Variants in TTN observed in about 807,000 individuals in gnomAD.
TTN encodes the protein titin.
A neutral mutation model predicts 3,223.0 loss-of-function variants in TTN; 1,525 were observed. That is an observed-to-expected ratio of 0.47 (90% CI 0.45 to 0.49). TTN has a LOEUF of 0.49. Ranked by LOEUF, TTN falls within the 20% of genes least tolerant of loss-of-function variation. TTN has a pLI of 0.00. For missense variants in TTN, 40,786 were observed against 43,424.0 expected (o/e 0.94, Z 5.40); for synonymous variants, 14,094 against 15,161.0 (o/e 0.93, Z 5.17).
Position 178,553,486 on chromosome 2 carries a change from A to G in TTN, c.89503+16T>C, listed in dbSNP as rs2154152038. On this transcript the variant is annotated intron_variant, in intron 334 of 362. Transcript: ENST00000589042. Reference sequence around the variant, plus strand: ...TATGCTTATTAAAAAACATAATCAAACCAGTAGGTACATACCAAGTATATC... The same window carrying G: ...TATGCTTATTAAAAAACATAATCAAGCCAGTAGGTACATACCAAGTATATC... The G allele has an allele frequency of 6.3e-7, 1 of 1,587,324 alleles. No homozygotes were observed. Among genetic ancestry groups the G allele is most frequent in the East Asian group, 2.2e-5 (1 of 44,592 alleles).
rs727503581 is a variant in TTN at position 178,584,867 on chromosome 2, T to C, written c.64774A>G (p.Ile21592Val). 12 of 1,613,396 alleles carry C rather than the reference T, an allele frequency of 7.4e-6. No homozygotes were observed. The South Asian group carries it at 1.3e-4, about 18-fold the overall frequency. The change falls in exon 310 of 363, where the codon ATC becomes GTC. Residue 21592 changes from isoleucine to valine, a missense_variant. Ile to Val is a conservative substitution (Grantham distance 29, BLOSUM62 3). Coordinates refer to ENST00000589042, the MANE Select transcript of TTN (RefSeq NM_001267550.2). The stretch of plus-strand genomic sequence containing the variant: ...CACTTCTCCACTATATAATTGGTGA[T>C]GTTACTGCCTCCGTCCTCCAGAGGG... Reference protein sequence around the residue: ...HIPLEDGGSNITNYIVEKCDV... With the variant: ...HIPLEDGGSNVTNYIVEKCDV...
chr2:178,784,236 C>T lies in TTN; in HGVS notation c.2609G>A (p.Arg870Lys). The T allele has an allele frequency of 2.5e-6, 4 of 1,614,142 alleles. No individual in the cohort carries two copies. Among genetic ancestry groups the T allele is most frequent in the Non-Finnish European group, 2.5e-6 (3 of 1,180,016 alleles). The change falls in exon 16 of 363, where the codon AGA becomes AAA. Residue 870 changes from arginine (R) to lysine (K), a missense_variant. Coordinates refer to ENST00000589042, the MANE Select transcript of TTN (RefSeq NM_001267550.2). ...CAAGGGTGTGGGCTCTGCCCTTACTCTAGTCTCACTGGGCTTCACAGTAGG... is the reference window on the plus strand; with the variant it reads ...CAAGGGTGTGGGCTCTGCCCTTACTTTAGTCTCACTGGGCTTCACAGTAGG... ...KAPTVKPSET[R>K]VRAEPTPLPQ...
Position 178,554,452 on chromosome 2 carries a change from C to A in TTN, c.88894+1G>T. 6.2e-7 allele frequency: 1 copy of A among 1,612,448 alleles called. No individual in the cohort carries two copies. On this transcript the variant is annotated splice_donor_variant, in intron 332 of 362. Transcript: ENST00000589042. LOFTEE classifies it high-confidence loss of function. Reference sequence around the variant, plus strand: ...AGTTTTCTAATGAAATCATGTCTCACCAAATGCGTTCTTGGCTACAACGGA... The same window carrying A: ...AGTTTTCTAATGAAATCATGTCTCAACAAATGCGTTCTTGGCTACAACGGA...
At position 178,697,126 on chromosome 2, in the gene TTN, G is replaced by T. The variant is rs765103465; in HGVS notation, c.30797C>A (p.Ala10266Glu). The change falls in exon 113 of 363, where the codon GCA (alanine) becomes GAA (glutamate). Residue 10266 changes from alanine to glutamate, a missense_variant. Ala to Glu is a moderately radical substitution (Grantham distance 107, BLOSUM62 -1). Coordinates refer to ENST00000589042, the MANE Select transcript of TTN (RefSeq NM_001267550.2). ...KPPPPTTLIP[A>E]KAPEIIDVSS... The stretch of plus-strand genomic sequence containing the variant: ...AATAATTTATCTTTATTTACCTTTT[G>T]CTGGAATTAAGGTAGTAGGAGGTGG... The T allele has an allele frequency of 1.9e-6, 3 of 1,549,804 alleles. No individual in the cohort carries two copies. Among genetic ancestry groups the T allele is most frequent in the African/African-American group, 2.7e-5 (2 of 72,868 alleles).
intron 33 of TTN, 149 bp from the exon 34 acceptor site, chr2:178,771,620 G>C: frequency 8.5e-7 from 1 of 1,173,370 alleles, no homozygotes; most frequent in South Asian, 1.4e-5. Context: ...ATATTGAGAA[G>C]GTACCAAAGA....
rs1297236777 is a variant in TTN at position 178,673,631 on chromosome 2, A to G, written c.34786+2T>C. On this transcript the variant is annotated splice_donor_variant, in intron 152 of 362. Coordinates refer to ENST00000589042, the MANE Select transcript of TTN (RefSeq NM_001267550.2). LOFTEE classifies it high-confidence loss of function. ...GATATTAATAATGAGGATTTGATATACCTTTAGCTGGTGGTGCCTCCACTT... is the reference window on the plus strand; with the variant it reads ...GATATTAATAATGAGGATTTGATATGCCTTTAGCTGGTGGTGCCTCCACTT... 6 of 1,581,926 alleles carry G rather than the reference A, an allele frequency of 3.8e-6. No homozygotes were observed. The highest frequency in any genetic ancestry group is 4.5e-5 in the East Asian group (2 of 44,036).
chr2:178,535,304 T>A lies in TTN; in HGVS notation c.101311A>T (p.Ser33771Cys). 2.5e-6 allele frequency: 4 copies of A among 1,613,938 alleles called. No individual in the cohort carries two copies. The highest frequency in any genetic ancestry group is 3.4e-6 in the Non-Finnish European group (4 of 1,179,848). Residue 33771 changes from serine (S) to cysteine (C), a missense_variant, in exon 358 of 363, where the codon AGC becomes TGC. Transcript: ENST00000589042. ...GGTTCTGAAGGCTCTGAAGGCTTGC[T>A]CAGACCAAATTTATTTTCAGCTATT... ...RVIAENKFGL[S>C]KPSEPSEPTI...
intron 47 of TTN, 53 bp downstream of exon 47, chr2:178,753,071 C>T (rs1229514672): frequency 1.4e-6 from 2 of 1,438,742 alleles, no homozygotes; most frequent in Middle Eastern, 1.8e-4. Flanking sequence ...ACTCAAGGAT[C>T]CTATTAATCC....
Position 178,792,704 on chromosome 2 carries a change from G to T in TTN, c.1537-507C>A, listed in dbSNP as rs116594998. Among the ~76,000 whole-genome samples, 793 of 152,256 alleles carry T rather than the reference G, an allele frequency of 5.2e-3. 1 individual carries two copies. Among genetic ancestry groups the T allele is most frequent in the African/African-American group, 0.019 (773 of 41,540 alleles). On this transcript the variant is annotated intron_variant, in intron 9 of 362. Transcript: ENST00000589042. ...TGCTGTTTCCATCTGGGCACCTAAG[G>T]TATATGCGTATGTAGGGGGACAGTT... is the stretch of plus-strand genomic sequence containing the variant.
At chr2:178,764,361 G>A in intron 42 of TTN, 59 bp from the exon 43 acceptor site, 5 of 1,612,956 alleles carry the variant, frequency 3.1e-6, no homozygotes, top group South Asian at 1.1e-5. Context: ...CCTCACAGAA[G>A]GGAGCATGTA....
In TTN at chr2:178,553,120, C is replaced by T. The variant is rs1462504715; in HGVS notation, c.89780G>A (p.Ser29927Asn). 3.1e-6 allele frequency: 5 copies of T among 1,611,870 alleles called. No homozygotes were observed. Among genetic ancestry groups the T allele is most frequent in the East Asian group, 2.2e-5 (1 of 44,830 alleles). ...AGCTGGTGTGTCAAGCACTTTAACA[C>T]TCACAGTTGAAGACTTAGGTTCACC... is the stretch of plus-strand genomic sequence containing the variant. Reference protein sequence around the residue: ...GVGEPKSSTVSVKVLDTPAAC... With the variant: ...GVGEPKSSTVNVKVLDTPAAC... Residue 29927 changes from serine (S) to asparagine (N), a missense_variant, in exon 335 of 363, where the codon AGT becomes AAT. Ser to Asn is a conservative substitution (Grantham distance 46). Coordinates refer to ENST00000589042, the MANE Select transcript of TTN (RefSeq NM_001267550.2).
At position 178,590,241 on chromosome 2, in the gene TTN, C is replaced by T. The variant is rs775137607; in HGVS notation, c.61484G>A (p.Arg20495His). Reference protein sequence around the residue: ...VITVRVGQTIRILARVKGRPE... With the variant: ...VITVRVGQTIHILARVKGRPE... ...TCTGCCTTTGACTCGAGCTAGAATGCGGATAGTTTGGCCTACTCTCACGGT... is the reference window on the plus strand; with the variant it reads ...TCTGCCTTTGACTCGAGCTAGAATGTGGATAGTTTGGCCTACTCTCACGGT... Residue 20495 changes from arginine (R) to histidine (H), a missense_variant, in exon 304 of 363, where the codon CGC (arginine) becomes CAC (histidine). Transcript: ENST00000589042. The T allele has an allele frequency of 5.2e-5, 82 of 1,588,972 alleles. No individual in the cohort carries two copies. Among genetic ancestry groups the T allele is most frequent in the Middle Eastern group, 1.7e-4 (1 of 5,938 alleles).
At chr2:178,691,115 A>G (rs748425923) in intron 121 of TTN, among the ~76,000 whole-genome samples, 13 of 152,212 alleles carry the variant, frequency 8.5e-5, no homozygotes, top group Non-Finnish European at 1.8e-4. Flanking sequence ...CAAGAGTTTG[A>G]GAAAGAGAGA....
At position 178,729,280 on chromosome 2, in the gene TTN, T is replaced by A. The variant is rs932365960; in HGVS notation, c.18868+8A>T. The A allele has an allele frequency of 1.9e-6, 3 of 1,586,670 alleles. No individual in the cohort carries two copies. Among genetic ancestry groups the A allele is most frequent in the Non-Finnish European group, 2.6e-6 (3 of 1,165,400 alleles). On this transcript the variant is annotated splice_region_variant and intron_variant, in intron 64 of 362. Transcript: ENST00000589042. The stretch of plus-strand genomic sequence containing the variant: ...TTTATTTGATAGGCTGCTTCTTGTA[T>A]AACTGACCTTTCAGGGCAACTCTAG...
Position 178,568,392 on chromosome 2 carries a change from G to A in TTN, c.77740C>T (p.Pro25914Ser). Residue 25914 changes from proline (P) to serine (S), a missense_variant, in exon 326 of 363, where the codon CCT (proline) becomes TCT (serine). By Grantham distance (74) the Pro-to-Ser change is moderately conservative. Transcript: ENST00000589042. Reference sequence around the variant, plus strand: ...TGGCAGCCCCCTGTATATAATGGAGGGTTCCAAGATAATGTAATACTTTCA... The same window carrying A: ...TGGCAGCCCCCTGTATATAATGGAGAGTTCCAAGATAATGTAATACTTTCA... ...SAESITLSWN[P>S]PLYTGGCQIT... 1 of 1,613,056 alleles carries A rather than the reference G, an allele frequency of 6.2e-7. No individual in the cohort carries two copies. The highest frequency in any genetic ancestry group is 8.5e-7 in the Non-Finnish European group (1 of 1,179,494).
rs139403831 is a variant in TTN at position 178,558,552 on chromosome 2, A to C, written c.86907T>G (p.Asp28969Glu). ...CATAGTGTACAATTCTGCTTCCGCC[A>C]TCATGTTCAGGCTTCAGCCAGGTCA... ...VSLTWLKPEH[D>E]GGSRIVHYVV... Residue 28969 changes from aspartate to glutamate, a missense_variant, in exon 327 of 363, where the codon GAT (aspartate) becomes GAG (glutamate). By Grantham distance (45) the Asp-to-Glu change is conservative. Transcript: ENST00000589042. 20 of 1,613,656 alleles carry C rather than the reference A, an allele frequency of 1.2e-5. No individual in the cohort carries two copies. The South Asian group carries it at 1.5e-4, about 12-fold the overall frequency.
intron 13 of TTN, among the ~76,000 whole-genome samples, chr2:178,788,506 A>G (rs1482010006): frequency 1.3e-5 from 2 of 152,114 alleles, no homozygotes; most frequent in Non-Finnish European, 2.9e-5. Context: ...TTTATCTTAA[A>G]TCATATCTTA....
At chr2:178,800,784 C>T (rs962878723) in intron 3 of TTN, 102 bp from the exon 4 acceptor site, 32 of 1,337,282 alleles carry the variant, frequency 2.4e-5, no homozygotes, top group Middle Eastern at 2.7e-4. Context: ...GGTGATGACT[C>T]GCCAATCTAA....
chr2:178,793,507 T>C lies in TTN; in HGVS notation c.1433A>G (p.Lys478Arg), dbSNP rs1574909546. The change falls in exon 9 of 363, where the codon AAG (lysine) becomes AGG (arginine). Residue 478 changes from lysine (K) to arginine (R), a missense_variant. Physicochemically the swap from Lys to Arg is conservative, Grantham distance 26 (BLOSUM62 2). Transcript: ENST00000589042. ...RKEAEKTAVT[K>R]VVVAADKAKE... ...GGCTTTATCGGCGGCCACTACTACC[T>C]TAGTTACAGCAGTCTTCTCCGCTTC... is the stretch of plus-strand genomic sequence containing the variant. The C allele has an allele frequency of 6.2e-7, 1 of 1,614,128 alleles. No homozygotes were observed. Among genetic ancestry groups the C allele is most frequent in the Middle Eastern group, 1.6e-4 (1 of 6,062 alleles).
Sources: allele counts gnomAD v4.1 joint callset (sites outside exome capture counted in the v4.1 genomes callset), GRCh38; gene constraint gnomAD v4.1.1; transcripts MANE v1.5; gene names NCBI Gene and HGNC (gene_info 2026-07-23, HGNC 2026-07-21).